The following IFRD2 variants were observed in gnomAD, a reference collection of about 807,000 sequenced individuals.
IFRD2 encodes interferon related developmental regulator 2.
A neutral mutation model predicts 49.2 loss-of-function variants in IFRD2; 35 were observed. The ratio of observed to expected loss-of-function variants is 0.71; its 90% CI spans 0.54 to 0.94. The LOEUF is 0.94. Among genes scored for constraint, IFRD2 ranks in the 40% least tolerant of loss-of-function variants. The probability of loss-of-function intolerance (pLI) is 0.00; values close to 1 mark genes in which losing one functional copy is unlikely to be tolerated. For missense variants in IFRD2, 561 were observed against 591.6 expected, an observed-to-expected ratio of 0.95 and a Z score of 0.54; for synonymous variants, 275 against 239.7, an observed-to-expected ratio of 1.15 and a Z score of -1.36.
chr3:50,291,266 T>C (rs919741067), intron 1 of IFRD2, among the ~76,000 whole-genome samples: 1 of 152,226 alleles, frequency 6.6e-6, no homozygotes, highest in Non-Finnish European at 1.5e-5. Context: ...TGCCTTGGCC[T>C]CCCAAAGTGC....
At position 50,292,316 on chromosome 3, in the gene IFRD2, T is replaced by C. The variant is rs1416766698; in HGVS notation, c.-42A>G. ...GGGGGGCGCGGGGTCAGGGACCCGG[T>C]GGGTGTGGGCTCCAGGCCAACGAGA... On this transcript the variant is annotated 5_prime_UTR_variant, in exon 1 of 12. Transcript: ENST00000417626. 13 of 1,565,352 alleles carry C rather than the reference T, an allele frequency of 8.3e-6. No individual in the cohort carries two copies. The highest frequency in any genetic ancestry group is 2.3e-5 in the South Asian group (2 of 86,258).
chr3:50,290,701 A>G (rs1344579795), intron 1 of IFRD2, 22 bp from the exon 2 acceptor site: 2 of 1,610,822 alleles, frequency 1.2e-6, no homozygotes, highest in Non-Finnish European at 1.7e-6. Context: ...GGAATAGGAC[A>G]CTCAACTTGC....
At chr3:50,291,283 T>A (rs1231770866) in intron 1 of IFRD2, among the ~76,000 whole-genome samples, 1 of 152,140 alleles carries the variant, frequency 6.6e-6, no homozygotes, top group African/African-American at 2.4e-5. Context: ...GTGCTGGGAT[T>A]ACAGGTGTGA....
At position 50,287,848 on chromosome 3, in the gene IFRD2, C is replaced by T. The variant is rs1327608993; in HGVS notation, c.*343G>A. 1.9e-5 allele frequency: 6 copies of T among 309,286 alleles called. No homozygotes were observed. The highest frequency in any genetic ancestry group is 1.3e-4 in the Admixed American group (3 of 22,458). The allele number at this position is 309,286 out of a possible 1,614,324, so 19.2% of individuals were successfully genotyped here. ...CCCACCTGCTGTGGTGGCATTTGTCCAGATGCCACCACCCCCCTAAGAGTG... is the reference window on the plus strand; with the variant it reads ...CCCACCTGCTGTGGTGGCATTTGTCTAGATGCCACCACCCCCCTAAGAGTG... On this transcript the variant is annotated 3_prime_UTR_variant, in exon 12 of 12. Transcript: ENST00000417626.
In IFRD2 at chr3:50,289,601, C is replaced by T. The variant is rs1553709370; in HGVS notation, c.625G>A (p.Glu209Lys). 2 of 1,595,450 alleles carry T rather than the reference C, an allele frequency of 1.3e-6. No individual in the cohort carries two copies. The highest frequency in any genetic ancestry group is 1.1e-5 in the South Asian group (1 of 88,024). ...QDLVSCLACL[E>K]SVFSRFYGLG... ...CCATAGAACCGGCTGAAAACACTTT[C>T]TAAGCAGGCAAGGCAAGAGACCAGG... Residue 209 changes from glutamate (E) to lysine (K), a missense_variant, in exon 7 of 12, where the codon GAA (glutamate) becomes AAA (lysine). Glu to Lys is a moderately conservative substitution (Grantham distance 56, BLOSUM62 1). Coordinates refer to ENST00000417626, the MANE Select transcript of IFRD2 (RefSeq NM_006764.5).
chr3:50,291,009 T>C (rs942497129), intron 1 of IFRD2, among the ~76,000 whole-genome samples: 739 of 28,046 alleles, frequency 0.026, 11 homozygotes, highest in African/African-American at 0.067. Flanking sequence ...CCCGCCACCT[T>C]TTTTTTTTTT....
rs782449800 is a variant in IFRD2 at position 50,289,268 on chromosome 3, G to A, written c.872C>T (p.Ala291Val). Residue 291 changes from alanine to valine, a missense_variant, in exon 8 of 12, where the codon GCC (alanine) becomes GTC (valine). By Grantham distance (64) the Ala-to-Val change is moderately conservative (BLOSUM62 0). Coordinates refer to ENST00000417626, the MANE Select transcript of IFRD2 (RefSeq NM_006764.5). ...GETIALLFEL[A>V]RDLEEEFVYE... ...TGTCCCTCGCACCTCAAGGTCCCGGGCAAGCTCAAAGAGCAGTGCAATGGT... is the reference window on the plus strand; with the variant it reads ...TGTCCCTCGCACCTCAAGGTCCCGGACAAGCTCAAAGAGCAGTGCAATGGT... 3 of 1,578,374 alleles carry A rather than the reference G, an allele frequency of 1.9e-6. No individual in the cohort carries two copies. The highest frequency in any genetic ancestry group is 2.7e-5 in the African/African-American group (2 of 74,062).
At chr3:50,290,768 T>C in intron 1 of IFRD2, 89 bp from the exon 2 acceptor site, 1 of 1,505,694 alleles carries the variant, frequency 6.6e-7, no homozygotes, top group Non-Finnish European at 9.0e-7. Flanking sequence ...TCCCAAAAGA[T>C]AGAATGGTGT....
chr3:50,290,605 T>G lies in IFRD2; in HGVS notation c.133A>C (p.Ser45Arg). The change falls in exon 2 of 12, where the codon AGT becomes CGT. Residue 45 changes from serine to arginine, a missense_variant. Ser to Arg is a moderately radical substitution (Grantham distance 110, BLOSUM62 -1). Coordinates refer to ENST00000417626, the MANE Select transcript of IFRD2 (RefSeq NM_006764.5). The stretch of plus-strand genomic sequence containing the variant: ...GTGCTGAGAAGGCTGGGGCATTCAC[T>G]GGCGGTGCTGCGGGCCTCACTGGCT... The part of the protein sequence containing the change: ...EAASEARSTA[S>R]ECPSLLSTTA... 1 of 1,613,960 alleles carries G rather than the reference T, an allele frequency of 6.2e-7. No individual in the cohort carries two copies. The highest frequency in any genetic ancestry group is 8.5e-7 in the Non-Finnish European group (1 of 1,179,890).
intron 1 of IFRD2, among the ~76,000 whole-genome samples, chr3:50,291,423 C>T (rs587597263): frequency 6.6e-6 from 1 of 152,290 alleles, no homozygotes; most frequent in Admixed American, 6.5e-5. Context: ...TTGCTCTCTT[C>T]TCCATCCTCT....
chr3:50,290,381 G>T lies in IFRD2; in HGVS notation c.263+7C>A. The stretch of plus-strand genomic sequence containing the variant: ...GGGTGTAGGAGTTGGCTGGCAGCCA[G>T]GGGTACCTCTTGTCTGTGAGACAGT... On this transcript the variant is annotated splice_region_variant and intron_variant, in intron 3 of 11. Transcript: ENST00000417626. 6.3e-7 allele frequency: 1 copy of T among 1,586,532 alleles called. No individual in the cohort carries two copies. Among genetic ancestry groups the T allele is most frequent in the Non-Finnish European group, 8.6e-7 (1 of 1,165,978 alleles).
intron 8 of IFRD2, 72 bp from the exon 9 acceptor site, chr3:50,289,009 A>C: frequency 6.4e-7 from 1 of 1,560,644 alleles, no homozygotes; most frequent in East Asian, 2.3e-5. Context: ...GCACTGCCCA[A>C]ACCCCTCCTT....
rs587650110 is a variant in IFRD2, at chr3:50,289,529, C to T, written c.697G>A (p.Gly233Ser). 1.0e-5 allele frequency: 16 copies of T among 1,582,122 alleles called. No individual in the cohort carries two copies. In the African/African-American group the frequency reaches 1.3e-4, roughly 13 times the overall value. Residue 233 changes from glycine (G) to serine (S), a missense_variant, in exon 7 of 12, where the codon GGC (glycine) becomes AGC (serine). Physicochemically the swap from Gly to Ser is moderately conservative, Grantham distance 56. Coordinates refer to ENST00000417626, the MANE Select transcript of IFRD2 (RefSeq NM_006764.5). ...GCCTGCAGGGCAGCAGAGAGCAGGC[C>T]GTGCAGGCTGGCAGGAACCACAGGA... ...TSPVVPASLH[G>S]LLSAALQAWA...
In IFRD2 at chr3:50,288,271, G is replaced by A. The variant is rs1285389516; in HGVS notation, c.1249C>T (p.His417Tyr). Residue 417 changes from histidine (H) to tyrosine (Y), a missense_variant and splice_region_variant, in exon 12 of 12, where the codon CAC (histidine) becomes TAC (tyrosine). His to Tyr is a moderately conservative substitution (Grantham distance 83). Transcript: ENST00000417626. ...KACKVPRFEK[H>Y]LYNAAAFKAR... ...TTGAAGGCAGCAGCATTGTACAGGT[G>A]CTAGAGTGGGGACAGAGAGTGACAC... 3 of 1,613,638 alleles carry A rather than the reference G, an allele frequency of 1.9e-6. No homozygotes were observed. Among genetic ancestry groups the A allele is most frequent in the African/African-American group, 1.3e-5 (1 of 74,918 alleles).
In IFRD2 at chr3:50,291,005, A is replaced by AC. The variant is rs797035146; in HGVS notation, c.59-327dup. On this transcript the variant is annotated intron_variant, in intron 1 of 11. Transcript: ENST00000417626. ...TGCGCACTGGCCTCTGCTCCCCGCC[A>AC]CCTTTTTTTTTTTTTTTTTTTTTTG... 1.6e-3 allele frequency among the ~76,000 whole-genome samples: 135 copies of AC among 83,482 alleles called. 4 individuals are homozygous for AC. Among genetic ancestry groups the AC allele is most frequent in the East Asian group, 6.8e-3 (22 of 3,220 alleles). The allele number at this position is 83,482 out of a possible 152,430, so 54.8% of individuals were successfully genotyped here.
chr3:50,288,112 G>A lies in IFRD2; in HGVS notation c.*79C>T. On this transcript the variant is annotated 3_prime_UTR_variant, in exon 12 of 12. Transcript: ENST00000417626. ...AAAAAATAAAGTGACAAATACTGGT[G>A]GAGACCAGTTGTTGCACTGTCTTCT... 1 of 1,202,240 alleles carries A rather than the reference G, an allele frequency of 8.3e-7. No individual in the cohort carries two copies. Among genetic ancestry groups the A allele is most frequent in the Admixed American group, 1.9e-5 (1 of 51,606 alleles). The allele number at this position is 1,202,240 out of a possible 1,614,324, so 74.5% of individuals were successfully genotyped here. A position where few individuals can be genotyped will look rare whatever the true frequency, so the allele number is the denominator to read the frequency against.
In IFRD2 at chr3:50,290,612, G is replaced by A; in HGVS notation, c.126C>T (p.Ser42=). ...GAAGGCTGGGGCATTCACTGGCGGT[G>A]CTGCGGGCCTCACTGGCTGCCTCAT... ...SDDEAASEAR[S]TASECPSLLS... Residue 42 remains serine, a synonymous_variant, in exon 2 of 12, where the codon AGC becomes AGT. Coordinates refer to ENST00000417626, the MANE Select transcript of IFRD2 (RefSeq NM_006764.5). The A allele has an allele frequency of 6.2e-7, 1 of 1,614,000 alleles. No homozygotes were observed. The highest frequency in any genetic ancestry group is 8.5e-7 in the Non-Finnish European group (1 of 1,179,896).
rs1411789676 is a variant in IFRD2 at position 50,292,145 on chromosome 3, A to C, written c.58+72T>G. Reference sequence around the variant, plus strand: ...GGTTCCCCACCCAGGGCCCTCGAGAACAACCAAGGGGATCCAGCAGGACCC... The same window carrying C: ...GGTTCCCCACCCAGGGCCCTCGAGACCAACCAAGGGGATCCAGCAGGACCC... On this transcript the variant is annotated intron_variant, in intron 1 of 11. Transcript: ENST00000417626. 5 of 1,401,970 alleles carry C rather than the reference A, an allele frequency of 3.6e-6. No homozygotes were observed. In the East Asian group the frequency reaches 8.0e-5, roughly 22 times the overall value. 86.8% of individuals were successfully genotyped at this position (1,401,970 alleles called of 1,614,324 possible). A position where few individuals can be genotyped will look rare whatever the true frequency, so the allele number is the denominator to read the frequency against.
At chr3:50,290,819 G>A in intron 1 of IFRD2, 140 bp from the exon 2 acceptor site, 3 of 1,115,684 alleles carry the variant, frequency 2.7e-6, no homozygotes, top group Admixed American at 4.1e-5. Flanking sequence ...GGTCAGTTCA[G>A]TAGGGCTGGT....
Sources: allele counts gnomAD v4.1 joint callset (sites outside exome capture counted in the v4.1 genomes callset), GRCh38; gene constraint gnomAD v4.1.1; transcripts MANE v1.5; gene names NCBI Gene and HGNC (gene_info 2026-07-23, HGNC 2026-07-21).